IQCM: variants seen among roughly 807,000 people sequenced by gnomAD.
The protein encoded by IQCM is IQ motif containing M, also known as IQ domain-containing protein M.
IQCM carries 45 observed loss-of-function variants against 57.6 expected under a neutral mutation model. That is an observed-to-expected ratio of 0.78 (90% confidence interval 0.62 to 1.00). The LOEUF is 1.00. IQCM is among the 50% of genes least tolerant of loss of function. The pLI is 0.00. For missense variants in IQCM, 468 were observed against 511.6 expected (o/e 0.91, Z 0.82); for synonymous variants, 148 against 158.9 (o/e 0.93, Z 0.51).
chr4:149,765,164 T>C (rs1254410851), intron 2 of IQCM, among the ~76,000 whole-genome samples: 1 of 152,094 alleles, frequency 6.6e-6, no homozygotes, highest in Non-Finnish European at 1.5e-5. Flanking sequence ...CACTAATGCA[T>C]CTTATGTACT....
At chr4:149,605,071 A>C (rs1754655724) in intron 8 of IQCM, among the ~76,000 whole-genome samples, 1 of 152,198 alleles carries the variant, frequency 6.6e-6, no homozygotes, top group Non-Finnish European at 1.5e-5. Flanking sequence ...TATTGTTAAC[A>C]GTATTACTAA....
At chr4:149,581,903 A>G (rs1455869755) in intron 9 of IQCM, among the ~76,000 whole-genome samples, 1 of 151,522 alleles carries the variant, frequency 6.6e-6, no homozygotes, top group African/African-American at 2.4e-5. Context: ...GTCAGCCAGA[A>G]TATTTCTGTG....
intron 8 of IQCM, among the ~76,000 whole-genome samples, chr4:149,611,507 A>G (rs1755286011): frequency 6.6e-6 from 1 of 152,166 alleles, no homozygotes; most frequent in Non-Finnish European, 1.5e-5. Context: ...CAGACATAAA[A>G]AGGATGAAAT....
chr4:149,593,669 G>A (rs574396786), intron 8 of IQCM, among the ~76,000 whole-genome samples: 232 of 152,214 alleles, frequency 1.5e-3, no homozygotes, highest in Non-Finnish European at 2.6e-3. Context: ...AGCATGAAGC[G>A]TTGTTGAATT....
intron 12 of IQCM, among the ~76,000 whole-genome samples, chr4:149,542,396 A>G (rs1371781394): frequency 6.6e-6 from 1 of 152,112 alleles, no homozygotes; most frequent in African/African-American, 2.4e-5. Context: ...TGTTTTAATC[A>G]TCCATCTAAT....
chr4:149,395,811 A>C (rs1199551602), intron 13 of IQCM, among the ~76,000 whole-genome samples: 1 of 152,052 alleles, frequency 6.6e-6, no homozygotes, highest in Non-Finnish European at 1.5e-5. Flanking sequence ...AAATGACTAG[A>C]CATTTTGCAT....
chr4:149,632,706 G>A (rs1757372492), intron 7 of IQCM, among the ~76,000 whole-genome samples: 1 of 152,120 alleles, frequency 6.6e-6, no homozygotes, highest in Non-Finnish European at 1.5e-5. Context: ...CCTAGTCAGG[G>A]CTGGGAGGAA....
At chr4:149,595,960 G>A (rs1303288062) in intron 8 of IQCM, among the ~76,000 whole-genome samples, 2 of 152,108 alleles carry the variant, frequency 1.3e-5, no homozygotes, top group African/African-American at 4.8e-5. Flanking sequence ...GCTTCAAAAA[G>A]CCATTCAACA....
intron 3 of IQCM, among the ~76,000 whole-genome samples, chr4:149,736,163 G>A (rs1427662549): frequency 7.3e-5 from 11 of 150,452 alleles, no homozygotes; most frequent in Non-Finnish European, 2.9e-5. Context: ...GCCCAGGCTG[G>A]TCTCGAACTC....
chr4:149,754,219 A>T (rs994810739), intron 2 of IQCM, among the ~76,000 whole-genome samples: 2 of 152,184 alleles, frequency 1.3e-5, no homozygotes, highest in Non-Finnish European at 2.9e-5. Context: ...AGGGCAGTCC[A>T]ATATCAGTGA....
intron 7 of IQCM, chr4:149,666,223 T>G (rs1182425807): frequency 6.6e-6 from 1 of 152,128 alleles, no homozygotes; most frequent in Non-Finnish European, 1.5e-5. Context: ...CCAACTGAGG[T>G]ACCTGGTTCA....
intron 8 of IQCM, among the ~76,000 whole-genome samples, chr4:149,604,423 C>G (rs1301863669): frequency 6.6e-6 from 1 of 152,036 alleles, no homozygotes; most frequent in Admixed American, 6.6e-5. Flanking sequence ...GCTCATCAGC[C>G]TAAAGGTATA....
At chr4:149,531,948 A>C (rs767411847) in intron 12 of IQCM, among the ~76,000 whole-genome samples, 4 of 152,080 alleles carry the variant, frequency 2.6e-5, no homozygotes, top group Non-Finnish European at 4.4e-5. Context: ...TATTAATGTA[A>C]GTGGTCATTG....
intron 12 of IQCM, among the ~76,000 whole-genome samples, chr4:149,511,511 G>A (rs1744414818): frequency 6.7e-6 from 1 of 150,352 alleles, no homozygotes; most frequent in Non-Finnish European, 1.5e-5. Flanking sequence ...CTGGGTGGCA[G>A]AATGAGACCC....
chr4:149,788,313 G>A (rs1186582890), intron 2 of IQCM, among the ~76,000 whole-genome samples: 3 of 152,208 alleles, frequency 2.0e-5, no homozygotes, highest in East Asian at 1.9e-4. Context: ...CAGCCTGGGC[G>A]ACAGAGCAAG....
rs543491871 is a variant in IQCM at position 149,356,459 on chromosome 4, A to G, written c.1391-4393T>C. ...AAGGGATCCAGTTTCAGCTTTCTACATATGGCTAGCCAGTTTTCCCAGCAC... is the reference window on the plus strand; with the variant it reads ...AAGGGATCCAGTTTCAGCTTTCTACGTATGGCTAGCCAGTTTTCCCAGCAC... On this transcript the variant is annotated intron_variant, in intron 13 of 13. Transcript: ENST00000636793. Among the ~76,000 whole-genome samples, 20 of 151,744 alleles carry G rather than the reference A, an allele frequency of 1.3e-4. No homozygotes were observed. In the East Asian group the frequency reaches 1.6e-3, roughly 12 times the overall value.
intron 13 of IQCM, among the ~76,000 whole-genome samples, chr4:149,377,583 T>A (rs546107292): frequency 1.2e-4 from 19 of 152,298 alleles, no homozygotes; most frequent in African/African-American, 4.3e-4. Flanking sequence ...TATCATGAAT[T>A]TGTTAGTGTT....
chr4:149,704,950 C>A (rs1190283547), intron 5 of IQCM, among the ~76,000 whole-genome samples: 1 of 151,570 alleles, frequency 6.6e-6, no homozygotes, highest in Non-Finnish European at 1.5e-5. Context: ...GACATGAGAG[C>A]TGCCCTTAGA....
intron 2 of IQCM, among the ~76,000 whole-genome samples, chr4:149,787,407 G>A (rs1047124613): frequency 2.6e-5 from 4 of 151,970 alleles, no homozygotes; most frequent in Non-Finnish European, 5.9e-5. Flanking sequence ...TATCCAAGCT[G>A]GAGGCATCAC....
Sources: gnomAD v4.1 joint callset for allele counts (sites outside exome capture counted in the v4.1 genomes callset) on GRCh38, gnomAD v4.1.1 for gene constraint, MANE v1.5 for transcripts, NCBI Gene and HGNC (gene_info 2026-07-23, HGNC 2026-07-21) for gene names.